LINGO2: variants seen among roughly 807,000 people sequenced by gnomAD.
LINGO2 encodes leucine rich repeat and Ig domain containing 2, also known as leucine-rich repeat and immunoglobulin-like domain-containing nogo receptor-interacting protein 2.
Under a neutral mutation model 30.6 loss-of-function variants are expected in LINGO2, and 14 were observed. The ratio of observed to expected loss-of-function variants is 0.46; its 90% CI spans 0.30 to 0.72. The LOEUF (loss-of-function observed/expected upper bound fraction) is 0.72, where lower values mean the gene tolerates loss of function less well. Ranked by LOEUF, LINGO2 falls within the 30% of genes least tolerant of loss-of-function variation. The probability of loss-of-function intolerance (pLI) is 0.07; values close to 1 mark genes in which losing one functional copy is unlikely to be tolerated. For missense variants in LINGO2, 729 were observed against 751.7 expected (o/e 0.97, Z 0.35); for synonymous variants, 317 against 288.5 (o/e 1.10, Z -1.00).
chr9:28,583,321 T>G (rs780992088), intron 1 of LINGO2, among the ~76,000 whole-genome samples: 14 of 151,946 alleles, frequency 9.2e-5, no homozygotes, highest in Non-Finnish European at 1.9e-4. Flanking sequence ...TTTTCAAGTG[T>G]CAAAATGAAA....
chr9:28,140,940 A>G (rs1021106731), intron 4 of LINGO2, among the ~76,000 whole-genome samples: 2 of 149,778 alleles, frequency 1.3e-5, no homozygotes, highest in Non-Finnish European at 3.0e-5. Flanking sequence ...TTTACTTAAT[A>G]TAATATAAAT....
At chr9:29,022,830 C>T in the LINGO2 span, among the ~76,000 whole-genome samples, 1 of 152,092 alleles carries the variant, frequency 6.6e-6, no homozygotes, top group Non-Finnish European at 1.5e-5. Context: ...CATTGTTACT[C>T]TCTTCGTACA....
At chr9:28,715,810 A>C in the LINGO2 span, among the ~76,000 whole-genome samples, 1 of 152,088 alleles carries the variant, frequency 6.6e-6, no homozygotes, top group Non-Finnish European at 1.5e-5. Context: ...AGAAAGAAAG[A>C]AAAGAACTAA....
intron 3 of LINGO2, among the ~76,000 whole-genome samples, chr9:28,359,999 T>C (rs1820377710): frequency 6.6e-6 from 1 of 152,180 alleles, no homozygotes; most frequent in Non-Finnish European, 1.5e-5. Flanking sequence ...GTTAATTACT[T>C]AATCTCTTTG....
At chr9:28,775,512 G>T in the LINGO2 span, among the ~76,000 whole-genome samples, 1 of 152,234 alleles carries the variant, frequency 6.6e-6, no homozygotes, top group African/African-American at 2.4e-5. Flanking sequence ...TAGTTCCCTG[G>T]TCAATTATGT....
At chr9:28,255,831 C>T (rs1022369134) in intron 4 of LINGO2, among the ~76,000 whole-genome samples, 1 of 152,032 alleles carries the variant, frequency 6.6e-6, no homozygotes, top group South Asian at 2.1e-4. Flanking sequence ...TAAAGTGAAA[C>T]TTCTGCTGCT....
chr9:28,362,225 TG>T (rs2059897914), intron 3 of LINGO2, among the ~76,000 whole-genome samples: 3 of 151,976 alleles, frequency 2.0e-5, no homozygotes, highest in Middle Eastern at 3.4e-3. Flanking sequence ...TGTGTGTGTG[TG>T]TGTGCGCATG....
At chr9:28,108,719 A>C (rs1305322028) in intron 4 of LINGO2, among the ~76,000 whole-genome samples, 1 of 152,124 alleles carries the variant, frequency 6.6e-6, no homozygotes, top group Non-Finnish European at 1.5e-5. Context: ...GGAAACCAAC[A>C]GTCCTTGAAT....
At chr9:28,671,349 A>C (rs1393218290), upstream of LINGO2, among the ~76,000 whole-genome samples, 1 of 152,026 alleles carries the variant, frequency 6.6e-6, no homozygotes, top group African/African-American at 2.4e-5. Context: ...GACCTAAATA[A>C]ACCTAAATAA....
intron 3 of LINGO2, among the ~76,000 whole-genome samples, chr9:28,371,629 T>TCA (rs773474002): frequency 9.9e-5 from 15 of 152,154 alleles, no homozygotes; most frequent in Non-Finnish European, 1.9e-4. Context: ...CCATAGTACC[T>TCA]TGTCACTGCA....
chr9:29,021,406 C>A, the LINGO2 span, among the ~76,000 whole-genome samples: 5 of 152,134 alleles, frequency 3.3e-5, no homozygotes, highest in Admixed American at 1.3e-4. Flanking sequence ...CGCCTGTAAT[C>A]CCAGCACTTT....
chr9:29,032,552 G>A, the LINGO2 span, among the ~76,000 whole-genome samples: 1 of 152,084 alleles, frequency 6.6e-6, no homozygotes, highest in African/African-American at 2.4e-5. Flanking sequence ...ATTTCTTACT[G>A]GGAGTCACTG....
chr9:28,792,332 A>G, the LINGO2 span, among the ~76,000 whole-genome samples: 1 of 152,014 alleles, frequency 6.6e-6, no homozygotes, highest in Non-Finnish European at 1.5e-5. Flanking sequence ...TTAACCATAA[A>G]TCCCCGAATC....
chr9:28,813,389 A>G, the LINGO2 span, among the ~76,000 whole-genome samples: 1 of 152,216 alleles, frequency 6.6e-6, no homozygotes, highest in Non-Finnish European at 1.5e-5. Context: ...ATACTGTAGT[A>G]AATTTATGTG....
intron 4 of LINGO2, among the ~76,000 whole-genome samples, chr9:28,217,086 T>G (rs993578530): frequency 3.3e-5 from 5 of 150,764 alleles, no homozygotes; most frequent in Non-Finnish European, 7.4e-5. Context: ...GTCAATAAAT[T>G]CATGATAAAA....
At chr9:29,208,046 G>T in the LINGO2 span, among the ~76,000 whole-genome samples, 3 of 151,916 alleles carry the variant, frequency 2.0e-5, no homozygotes, top group South Asian at 6.2e-4. Context: ...GTGGTCCTGG[G>T]CAAATTCCAC....
intron 1 of LINGO2, among the ~76,000 whole-genome samples, chr9:28,536,844 T>A (rs958151025): frequency 1.3e-5 from 2 of 152,050 alleles, no homozygotes; most frequent in Non-Finnish European, 2.9e-5. Context: ...CTCCTACCAA[T>A]AGTGTCTCTG....
chr9:28,059,402 C>G (rs1262998710), intron 4 of LINGO2, among the ~76,000 whole-genome samples: 1 of 152,032 alleles, frequency 6.6e-6, no homozygotes, highest in East Asian at 1.9e-4. Context: ...CTGTCTTTTT[C>G]TCAATCCTTT....
At chr9:28,104,804 A>G (rs1047105310) in intron 4 of LINGO2, among the ~76,000 whole-genome samples, 1 of 152,166 alleles carries the variant, frequency 6.6e-6, no homozygotes, top group Non-Finnish European at 1.5e-5. Flanking sequence ...TGCAAAAGAA[A>G]TCAAAGAAAT....
Sources: allele counts gnomAD v4.1 joint callset (sites outside exome capture counted in the v4.1 genomes callset), GRCh38; gene constraint gnomAD v4.1.1; transcripts MANE v1.5; gene names NCBI Gene and HGNC (gene_info 2026-07-23, HGNC 2026-07-21).